The following CYRIB variants were observed in gnomAD, a reference collection of about 807,000 sequenced individuals.
CYRIB encodes CYFIP related Rac1 interactor B, also known as CYFIP-related Rac1 interactor B.
Under a neutral mutation model 44.2 loss-of-function variants are expected in CYRIB, and 8 were observed. The ratio of observed to expected loss-of-function variants is 0.18; its 90% CI spans 0.11 to 0.33. CYRIB has a LOEUF of 0.33. Ranked by LOEUF, CYRIB falls within the 10% of genes least tolerant of loss-of-function variation. CYRIB has a pLI of 1.00. For missense variants in CYRIB, 185 were observed against 382.8 expected, an observed-to-expected ratio of 0.48 and a Z score of 4.31; for synonymous variants, 131 against 127.2, an observed-to-expected ratio of 1.03 and a Z score of -0.20.
At chr8:129,990,950 G>A (rs1182318083) in intron 1 of CYRIB, among the ~76,000 whole-genome samples, 1 of 151,960 alleles carries the variant, frequency 6.6e-6, no homozygotes, top group Admixed American at 6.6e-5. Flanking sequence ...GGCCAACATG[G>A]CAAAAGCCCA....
intron 1 of CYRIB, among the ~76,000 whole-genome samples, chr8:129,984,344 G>A (rs549679876): frequency 6.6e-6 from 1 of 152,182 alleles, no homozygotes; most frequent in South Asian, 2.1e-4. Flanking sequence ...CTGGCAGGGA[G>A]GCCCTCTTCC....
At chr8:129,992,662 G>A (rs1047685870) in intron 1 of CYRIB, among the ~76,000 whole-genome samples, 7 of 152,208 alleles carry the variant, frequency 4.6e-5, no homozygotes, top group African/African-American at 1.7e-4. Flanking sequence ...TTGGAAGAGG[G>A]CAGAGCTGCA....
At chr8:129,940,382 G>A (rs1054426469), upstream of CYRIB, among the ~76,000 whole-genome samples, 11 of 152,206 alleles carry the variant, frequency 7.2e-5, no homozygotes, top group African/African-American at 2.7e-4. Flanking sequence ...TACTGTTACC[G>A]CCTGCGATGG....
At chr8:129,851,203 T>G (rs1468883719) in intron 8 of CYRIB, 3 of 327,846 alleles carry the variant, frequency 9.2e-6, no homozygotes, top group African/African-American at 6.6e-5. Context: ...TTTTATAGGC[T>G]ATGAAATAGT....
chr8:129,905,087 T>C (rs554791287), intron 1 of CYRIB, among the ~76,000 whole-genome samples: 167 of 152,366 alleles, frequency 1.1e-3, no homozygotes, highest in Admixed American at 7.8e-4. Flanking sequence ...CTAAGGGCTA[T>C]ACGTGCATGA....
chr8:129,948,367 T>C (rs777612544), intron 2 of CYRIB, among the ~76,000 whole-genome samples: 7 of 152,092 alleles, frequency 4.6e-5, no homozygotes, highest in Non-Finnish European at 7.4e-5. Context: ...TGTAAGCAGT[T>C]TGCAGACCAA....
chr8:129,951,440 C>T lies in CYRIB; in HGVS notation c.-243+19503G>A, dbSNP rs371017305. ...TGGTAGAAACGGCCAGTTGCGGTGG[C>T]TCATGCCTATAATCCTAACACTTTG... On this transcript the variant is annotated intron_variant, in intron 2 of 14. Transcript: ENST00000401979. 1.5e-4 allele frequency among the ~76,000 whole-genome samples: 23 copies of T among 152,158 alleles called. 1 individual carries two copies. In the South Asian group the frequency reaches 4.8e-3, roughly 32 times the overall value.
At chr8:129,937,671 C>A (rs185821098) in intron 1 of CYRIB, among the ~76,000 whole-genome samples, 5 of 152,298 alleles carry the variant, frequency 3.3e-5, no homozygotes, top group African/African-American at 9.6e-5. Flanking sequence ...CTAGAATTAA[C>A]TTACTAACCA....
chr8:129,874,618 T>C (rs1227012905), intron 3 of CYRIB, among the ~76,000 whole-genome samples: 2 of 152,158 alleles, frequency 1.3e-5, no homozygotes, highest in African/African-American at 4.8e-5. Flanking sequence ...CTAGATTTTC[T>C]GTAATACATT....
intron 1 of CYRIB, among the ~76,000 whole-genome samples, chr8:129,904,136 A>G (rs2135859792): frequency 6.6e-6 from 1 of 152,326 alleles, no homozygotes; most frequent in South Asian, 2.1e-4. Context: ...GGTTATAAGA[A>G]GCAAATAAAG....
chr8:129,947,326 T>C (rs1564331836), intron 2 of CYRIB, among the ~76,000 whole-genome samples: 1 of 152,162 alleles, frequency 6.6e-6, no homozygotes, highest in Admixed American at 6.6e-5. Flanking sequence ...TCCAAAAATG[T>C]TGGGATTACA....
chr8:129,957,909 G>C (rs2094955139), intron 2 of CYRIB, among the ~76,000 whole-genome samples: 2 of 149,602 alleles, frequency 1.3e-5, no homozygotes, highest in South Asian at 4.2e-4. Flanking sequence ...AGCTTGCAGT[G>C]AGCCGAGATC....
chr8:129,950,384 G>T (rs1057239879), intron 2 of CYRIB, among the ~76,000 whole-genome samples: 6 of 152,098 alleles, frequency 3.9e-5, no homozygotes, highest in Non-Finnish European at 7.4e-5. Context: ...AGCCTGGCCA[G>T]CATGGCAAAA....
chr8:129,938,506 G>A (rs1189883445), intron 1 of CYRIB, among the ~76,000 whole-genome samples: 2 of 152,168 alleles, frequency 1.3e-5, no homozygotes, highest in Non-Finnish European at 2.9e-5. Flanking sequence ...TTACACAGAA[G>A]TAGCAAAAAA....
At chr8:129,988,085 C>T (rs1042589969) in intron 1 of CYRIB, among the ~76,000 whole-genome samples, 2 of 152,144 alleles carry the variant, frequency 1.3e-5, no homozygotes, top group Non-Finnish European at 2.9e-5. Flanking sequence ...TGGATGCAGG[C>T]GGGCTGAGGC....
At chr8:129,997,357 T>C (rs1466798221) in intron 1 of CYRIB, among the ~76,000 whole-genome samples, 1 of 151,830 alleles carries the variant, frequency 6.6e-6, no homozygotes, top group Non-Finnish European at 1.5e-5. Flanking sequence ...TTTTTGGCCA[T>C]TGCTGGCTTC....
intron 1 of CYRIB, among the ~76,000 whole-genome samples, chr8:130,014,805 G>A (rs1345210199): frequency 1.3e-5 from 2 of 152,130 alleles, no homozygotes; most frequent in Admixed American, 1.3e-4. Context: ...ATTCCAATGT[G>A]CCTCCTCAGG....
chr8:129,976,570 C>T (rs917955759), intron 1 of CYRIB, among the ~76,000 whole-genome samples: 2 of 152,172 alleles, frequency 1.3e-5, no homozygotes, highest in African/African-American at 2.4e-5. Flanking sequence ...CACAGGTGAA[C>T]TTATCTCCCA....
chr8:129,883,357 A>C (rs1002802983), intron 2 of CYRIB, among the ~76,000 whole-genome samples: 2 of 151,954 alleles, frequency 1.3e-5, no homozygotes, highest in Non-Finnish European at 2.9e-5. Flanking sequence ...CTGGGGGCAA[A>C]ATCACCCGAC....
Sources: allele counts gnomAD v4.1 joint callset (sites outside exome capture counted in the v4.1 genomes callset), GRCh38; gene constraint gnomAD v4.1.1; transcripts MANE v1.5; gene names NCBI Gene and HGNC (gene_info 2026-07-23, HGNC 2026-07-21).